Variants in AOPEP observed in about 807,000 individuals in gnomAD.
The protein encoded by AOPEP is aminopeptidase O.
Under a neutral mutation model 98.1 loss-of-function variants are expected in AOPEP, and 77 were observed. The observed-to-expected ratio is 0.78, with a 90% CI of 0.65 to 0.95. The LOEUF is 0.95. Among genes scored for constraint, AOPEP ranks in the 40% least tolerant of loss-of-function variants. The pLI is 0.00. For missense variants in AOPEP, 1,024 were observed against 1,024.7 expected (o/e 1.00, Z 0.01); for synonymous variants, 346 against 365.3 (o/e 0.95, Z 0.60).
At chr9:94,977,990 C>T (rs2059953977) in intron 10 of AOPEP, among the ~76,000 whole-genome samples, 1 of 152,148 alleles carries the variant, frequency 6.6e-6, no homozygotes, top group East Asian at 1.9e-4. Flanking sequence ...GGACGAGGGG[C>T]ACCAGTGAGC....
At chr9:94,848,523 G>A (rs1024675843) in intron 5 of AOPEP, among the ~76,000 whole-genome samples, 1 of 151,324 alleles carries the variant, frequency 6.6e-6, no homozygotes, top group Non-Finnish European at 1.5e-5. Flanking sequence ...TTGGGAGGCT[G>A]AAGCAGGAGA....
intron 5 of AOPEP, among the ~76,000 whole-genome samples, chr9:94,860,980 T>C (rs1255737126): frequency 6.6e-6 from 1 of 152,132 alleles, no homozygotes; most frequent in Non-Finnish European, 1.5e-5. Context: ...ATCTACAAAT[T>C]GGGGGCAGTC....
intron 1 of AOPEP, among the ~76,000 whole-genome samples, chr9:94,737,701 T>C (rs1832090477): frequency 6.6e-6 from 1 of 152,216 alleles, no homozygotes; most frequent in Non-Finnish European, 1.5e-5. Context: ...TCTTAAAATA[T>C]AAGACTGCAA....
chr9:94,832,391 C>T (rs1470126583), intron 5 of AOPEP, among the ~76,000 whole-genome samples: 1 of 152,164 alleles, frequency 6.6e-6, no homozygotes, highest in Admixed American at 6.5e-5. Flanking sequence ...ATGAGGTTGG[C>T]AGACATCCAA....
the AOPEP span, chr9:95,111,351 G>A: frequency 1.9e-6 from 3 of 1,598,088 alleles, no homozygotes; most frequent in Non-Finnish European, 2.5e-6. Flanking sequence ...GCCATCTGTG[G>A]GCAGAGCTCA....
At chr9:94,867,181 A>G (rs1487323382) in intron 5 of AOPEP, among the ~76,000 whole-genome samples, 1 of 152,234 alleles carries the variant, frequency 6.6e-6, no homozygotes, top group Non-Finnish European at 1.5e-5. Flanking sequence ...CAAGTTTATA[A>G]AGCTTTTCTC....
At chr9:94,868,134 G>A (rs2045917520) in intron 5 of AOPEP, among the ~76,000 whole-genome samples, 1 of 152,156 alleles carries the variant, frequency 6.6e-6, no homozygotes, top group Non-Finnish European at 1.5e-5. Flanking sequence ...TAAAACAACT[G>A]ACCAAAATTA....
chr9:95,002,393 C>T (rs1467952078), intron 11 of AOPEP, among the ~76,000 whole-genome samples: 1 of 152,146 alleles, frequency 6.6e-6, no homozygotes, highest in Non-Finnish European at 1.5e-5. Context: ...TAAAATCCAG[C>T]TGGGGAGAGA....
Position 95,082,720 on chromosome 9 carries a change from G to C in AOPEP, c.*4+1G>C, listed in dbSNP as rs373650291. ...GTGGCCGAAATGTTATTTTAACGAG[G>C]TGATTCTCTCCCTTTCCTTTCTGTC... On this transcript the variant is annotated splice_donor_variant, in intron 16 of 16. Transcript: ENST00000375315. LOFTEE classifies it low-confidence loss of function (3UTR_SPLICE). 29 of 1,614,014 alleles carry C rather than the reference G, an allele frequency of 1.8e-5. No homozygotes were observed. In the African/African-American group the frequency reaches 3.9e-4, roughly 22 times the overall value.
intron 7 of AOPEP, among the ~76,000 whole-genome samples, chr9:94,941,299 G>A (rs377036131): frequency 1.9e-4 from 29 of 152,326 alleles, no homozygotes; most frequent in African/African-American, 6.0e-4. Context: ...TCATTGGCCT[G>A]TGCCTCTCCT....
chr9:94,934,040 G>A (rs1296336539), intron 7 of AOPEP, among the ~76,000 whole-genome samples: 5 of 152,014 alleles, frequency 3.3e-5, no homozygotes, highest in African/African-American at 7.2e-5. Flanking sequence ...GAGCCACTGC[G>A]CCCAGCCATA....
At chr9:95,042,382 A>G (rs1293196000) in intron 13 of AOPEP, among the ~76,000 whole-genome samples, 1 of 152,202 alleles carries the variant, frequency 6.6e-6, no homozygotes, top group Non-Finnish European at 1.5e-5. Context: ...AAAGGATGTC[A>G]TTGTCCTTAG....
At chr9:94,968,084 C>T (rs890211284) in intron 10 of AOPEP, among the ~76,000 whole-genome samples, 6 of 152,012 alleles carry the variant, frequency 3.9e-5, no homozygotes, top group African/African-American at 1.5e-4. Context: ...TTTGCTGCTG[C>T]GGAAAGAATG....
At chr9:95,028,377 A>G (rs139153984) in intron 13 of AOPEP, among the ~76,000 whole-genome samples, 90 of 152,314 alleles carry the variant, frequency 5.9e-4, no homozygotes, top group Non-Finnish European at 1.0e-3. Flanking sequence ...GTCCAGGCGC[A>G]CTATGCCTGT....
the AOPEP span, among the ~76,000 whole-genome samples, chr9:95,105,189 A>G: frequency 0.49 from 74,090 of 151,996 alleles, 18,595 homozygotes; most frequent in East Asian, 0.63. Context: ...GCCTGGGCCC[A>G]CTCCACAGGA....
intron 9 of AOPEP, among the ~76,000 whole-genome samples, chr9:94,957,987 GT>G (rs2058580461): frequency 6.6e-6 from 1 of 151,746 alleles, no homozygotes; most frequent in African/African-American, 2.4e-5. Flanking sequence ...TCACATTTTT[GT>G]GCGATCATTA....
chr9:94,770,945 A>G (rs1448023553), intron 2 of AOPEP, among the ~76,000 whole-genome samples: 1 of 152,182 alleles, frequency 6.6e-6, no homozygotes, highest in Non-Finnish European at 1.5e-5. Flanking sequence ...ACTTCACAGA[A>G]GTCTTCCTTT....
At chr9:94,780,283 T>G (rs1353801301) in intron 3 of AOPEP, among the ~76,000 whole-genome samples, 2 of 152,244 alleles carry the variant, frequency 1.3e-5, no homozygotes, top group African/African-American at 4.8e-5. Context: ...TATTTGAAGA[T>G]TATTATCAAA....
In AOPEP at chr9:95,038,027, T is replaced by C. The variant is rs2064979284; in HGVS notation, c.2116-22667T>C. On this transcript the variant is annotated intron_variant, in intron 13 of 16. Coordinates refer to ENST00000375315, the MANE Select transcript of AOPEP (RefSeq NM_001193329.3). ...ATGTGAGAAACCTTCCATCCAGCTG[T>C]CTGTCCGTCCATGCTCCATGCAAGC... Among the ~76,000 whole-genome samples the C allele has an allele frequency of 1.3e-5, 2 of 152,150 alleles. 1 individual carries two copies. Among genetic ancestry groups the C allele is most frequent in the Admixed American group, 1.3e-4 (2 of 15,274 alleles).
Sources: allele counts gnomAD v4.1 joint callset (sites outside exome capture counted in the v4.1 genomes callset), GRCh38; gene constraint gnomAD v4.1.1; transcripts MANE v1.5; gene names NCBI Gene and HGNC (gene_info 2026-07-23, HGNC 2026-07-21).